The following TMTC2 variants were observed in gnomAD, a reference collection of about 807,000 sequenced individuals.
TMTC2 encodes the protein transmembrane O-mannosyltransferase targeting cadherins 2.
TMTC2 carries 43 observed loss-of-function variants against 82.4 expected under a neutral mutation model. The ratio of observed to expected loss-of-function variants is 0.52; its 90% CI spans 0.41 to 0.67. The LOEUF (loss-of-function observed/expected upper bound fraction) is 0.67. Among genes scored for constraint, TMTC2 ranks in the 30% least tolerant of loss-of-function variants. TMTC2 has a pLI of 0.00. For missense variants in TMTC2, 919 were observed against 1,012.4 expected, an observed-to-expected ratio of 0.91 and a Z score of 1.25; for synonymous variants, 408 against 381.9, an observed-to-expected ratio of 1.07 and a Z score of -0.80.
chr12:83,032,734 T>TA (rs1299236677), intron 9 of TMTC2, among the ~76,000 whole-genome samples: 1 of 151,676 alleles, frequency 6.6e-6, no homozygotes, highest in Non-Finnish European at 1.5e-5. Flanking sequence ...TATTTTTTTT[T>TA]ATTTTTAGTA....
chr12:82,845,177 C>T (rs1287236189), intron 1 of TMTC2, among the ~76,000 whole-genome samples: 2 of 129,828 alleles, frequency 1.5e-5, no homozygotes, highest in Non-Finnish European at 1.5e-5. Flanking sequence ...TGCAGTGAGC[C>T]GAGATCGTGC....
chr12:82,895,468 TG>T (rs1362657643), intron 2 of TMTC2, among the ~76,000 whole-genome samples: 1 of 152,308 alleles, frequency 6.6e-6, no homozygotes, highest in East Asian at 1.9e-4. Flanking sequence ...TACTGTACAT[TG>T]TGGTCCCCTT....
Position 83,125,227 on chromosome 12 carries a change from C to A in TMTC2, c.2332-6983C>A, listed in dbSNP as rs77380591. ...GATTTCTATCATTACCTTGAGTGAA[C>A]TTATATCAAAGATTCTCTGTTTTGT... On this transcript the variant is annotated intron_variant, in intron 11 of 11. Transcript: ENST00000321196. Among the ~76,000 whole-genome samples, 793 of 152,258 alleles carry A rather than the reference C, an allele frequency of 5.2e-3. 14 individuals carry two copies. The highest frequency in any genetic ancestry group is 0.043 in the Admixed American group (656 of 15,290).
chr12:83,011,281 G>A (rs1474139408), intron 8 of TMTC2, among the ~76,000 whole-genome samples: 4 of 152,166 alleles, frequency 2.6e-5, no homozygotes. Flanking sequence ...TGCCTGGCTT[G>A]TTCAACTACT....
At chr12:82,901,283 AAT>A (rs1194529610) in intron 3 of TMTC2, among the ~76,000 whole-genome samples, 19 of 128,238 alleles carry the variant, frequency 1.5e-4, no homozygotes, top group East Asian at 1.1e-3. Flanking sequence ...TAGAGAGAGT[AAT>A]ATATATATAT....
At chr12:82,814,599 T>A (rs1017196924) in intron 1 of TMTC2, among the ~76,000 whole-genome samples, 2 of 152,068 alleles carry the variant, frequency 1.3e-5, no homozygotes, top group Non-Finnish European at 2.9e-5. Context: ...AGCAAGTAGA[T>A]AAGAGAGAAA....
chr12:82,730,111 T>A (rs778650633), intron 1 of TMTC2, among the ~76,000 whole-genome samples: 35 of 151,964 alleles, frequency 2.3e-4, no homozygotes, highest in Non-Finnish European at 4.4e-4. Context: ...GGTCTGTGGC[T>A]TCATTCTTGA....
intron 1 of TMTC2, among the ~76,000 whole-genome samples, chr12:82,774,720 G>A (rs1239522543): frequency 6.8e-6 from 1 of 147,450 alleles, no homozygotes; most frequent in Non-Finnish European, 1.5e-5. Flanking sequence ...TTAGATGCCT[G>A]CCATGCCTTC....
intron 4 of TMTC2, among the ~76,000 whole-genome samples, 189 bp from the exon 5 acceptor site, chr12:82,964,835 C>T (rs188180728): frequency 4.6e-5 from 7 of 152,080 alleles, no homozygotes; most frequent in East Asian, 1.9e-4. Context: ...ACAAATGCAA[C>T]GGATACCTAT....
At chr12:83,038,783 A>T (rs1052763131) in intron 9 of TMTC2, among the ~76,000 whole-genome samples, 1 of 152,134 alleles carries the variant, frequency 6.6e-6, no homozygotes, top group African/African-American at 2.4e-5. Context: ...TTTAGAATGG[A>T]TGTATTAGCT....
At position 82,743,374 on chromosome 12, in the gene TMTC2, G is replaced by C. The variant is rs563145994; in HGVS notation, c.83+55705G>C. ...GAGAATTGCTTAAACTGGGACCCAG[G>C]AGGCAGAGGTTGCAGTGAGCCAATA... On this transcript the variant is annotated intron_variant, in intron 1 of 11. Coordinates refer to ENST00000321196, the MANE Select transcript of TMTC2 (RefSeq NM_152588.3). 4.0e-5 allele frequency among the ~76,000 whole-genome samples: 6 copies of C among 151,046 alleles called. No homozygotes were observed. In the South Asian group the frequency reaches 1.3e-3, roughly 32 times the overall value.
chr12:82,760,308 G>T (rs1876544554), intron 1 of TMTC2: 1 of 151,772 alleles, frequency 6.6e-6, no homozygotes, highest in African/African-American at 2.4e-5. Flanking sequence ...ACAGTCATTT[G>T]ACCAGGTCTT....
chr12:82,711,978 C>T (rs1323696468), intron 1 of TMTC2, among the ~76,000 whole-genome samples: 2 of 152,208 alleles, frequency 1.3e-5, no homozygotes, highest in East Asian at 1.9e-4. Context: ...TGCCCTCATA[C>T]AGCACGCTCT....
At chr12:82,974,637 T>C (rs190905086) in intron 7 of TMTC2, among the ~76,000 whole-genome samples, 114 of 152,314 alleles carry the variant, frequency 7.5e-4, no homozygotes, top group African/African-American at 2.7e-3. Flanking sequence ...CAAGACAGGT[T>C]AACTTGACAA....
chr12:82,710,419 T>C (rs1471745202), intron 1 of TMTC2, among the ~76,000 whole-genome samples: 3 of 152,232 alleles, frequency 2.0e-5, no homozygotes, highest in Non-Finnish European at 4.4e-5. Flanking sequence ...GATCTGGCTG[T>C]CATAATTTAT....
intron 1 of TMTC2, among the ~76,000 whole-genome samples, chr12:82,834,675 C>T (rs945917934): frequency 3.3e-5 from 5 of 152,058 alleles, no homozygotes; most frequent in African/African-American, 7.2e-5. Flanking sequence ...CCAAAGTGTC[C>T]GTGTCATCTT....
intron 11 of TMTC2, among the ~76,000 whole-genome samples, chr12:83,110,532 A>T (rs1884565697): frequency 6.6e-6 from 1 of 152,190 alleles, no homozygotes; most frequent in Admixed American, 6.5e-5. Context: ...CTCTTATCAA[A>T]GTTACTAGAC....
chr12:83,030,366 G>C (rs538901105), intron 8 of TMTC2, among the ~76,000 whole-genome samples: 1 of 152,210 alleles, frequency 6.6e-6, no homozygotes, highest in South Asian at 2.1e-4. Flanking sequence ...ATTTTGAGAT[G>C]CCTGTCATCT....
intron 7 of TMTC2, among the ~76,000 whole-genome samples, chr12:82,976,725 A>C (rs1878690679): frequency 6.6e-6 from 1 of 152,052 alleles, no homozygotes; most frequent in Non-Finnish European, 1.5e-5. Flanking sequence ...TAAAAGTTAC[A>C]CCAGGTTTGT....
Sources: allele counts gnomAD v4.1 joint callset (sites outside exome capture counted in the v4.1 genomes callset), GRCh38; gene constraint gnomAD v4.1.1; transcripts MANE v1.5; gene names NCBI Gene and HGNC (gene_info 2026-07-23, HGNC 2026-07-21).